The following CMIP variants were observed in gnomAD, a reference collection of about 807,000 sequenced individuals.
CMIP encodes c-Maf inducing protein, also known as C-Maf-inducing protein.
Under a neutral mutation model 97.3 loss-of-function variants are expected in CMIP, and 13 were observed. The observed-to-expected ratio is 0.13, with a 90% confidence interval of 0.09 to 0.21. The LOEUF (loss-of-function observed/expected upper bound fraction) is 0.21, where lower values mean the gene tolerates loss of function less well. Among genes scored for constraint, CMIP ranks in the 10% least tolerant of loss-of-function variants. CMIP has a pLI of 1.00. For synonymous variants in CMIP, 538 were observed against 436.3 expected (o/e 1.23, Z -2.91); for missense variants, 847 against 1,024.9 (o/e 0.83, Z 2.37).
intron 3 of CMIP, among the ~76,000 whole-genome samples, chr16:81,643,451 GT>G (rs2092329448): frequency 6.6e-6 from 1 of 152,208 alleles, no homozygotes; most frequent in Non-Finnish European, 1.5e-5. Flanking sequence ...AGTGGTGGTG[GT>G]TACACAACAC....
chr16:81,522,567 C>A (rs1054142243), intron 1 of CMIP, among the ~76,000 whole-genome samples: 1 of 152,212 alleles, frequency 6.6e-6, no homozygotes, highest in African/African-American at 2.4e-5. Context: ...ATTTAGCATA[C>A]CCAATCAGTA....
intron 1 of CMIP, 142 bp from the exon 2 acceptor site, chr16:81,607,425 G>C (rs2091762126): frequency 9.5e-7 from 1 of 1,055,396 alleles, no homozygotes. Context: ...GCTTGCTTTG[G>C]TCACCAGAGG....
intron 1 of CMIP, among the ~76,000 whole-genome samples, chr16:81,507,137 T>A (rs190583988): frequency 0.022 from 3,283 of 148,526 alleles, 46 homozygotes; most frequent in Non-Finnish European, 0.035. Flanking sequence ...GCGCCTGTAG[T>A]CCCAGCTACT....
At chr16:81,663,372 G>A (rs1027809786) in intron 6 of CMIP, among the ~76,000 whole-genome samples, 1 of 152,034 alleles carries the variant, frequency 6.6e-6, no homozygotes, top group African/African-American at 2.4e-5. Context: ...AGTGAGAGGA[G>A]CCCATCTGAA....
In CMIP at chr16:81,444,929, GGCCCCGGCCC is replaced by G. The variant is rs1454103855; in HGVS notation, c.-308_-299del. On this transcript the variant is annotated 5_prime_UTR_variant, in exon 1 of 21. Transcript: ENST00000537098. ...ACCCCGGCGCCCGCCCTCCGCGCCT[GGCCCCGGCCC>G]GCCCTCGGCCTCCCCCGCCCCTCCC... is the stretch of plus-strand genomic sequence containing the variant. Among the ~76,000 whole-genome samples, 2 of 84,310 alleles carry G rather than the reference GGCCCCGGCCC, an allele frequency of 2.4e-5. No individual in the cohort carries two copies. The highest frequency in any genetic ancestry group is 4.6e-5 in the Non-Finnish European group (2 of 43,616). 55.3% of individuals were successfully genotyped at this position (84,310 alleles called of 152,430 possible). A position where few individuals can be genotyped will look rare whatever the true frequency, so the allele number is the denominator to read the frequency against.
intron 3 of CMIP, among the ~76,000 whole-genome samples, chr16:81,636,185 A>G (rs372490767): frequency 9.1e-6 from 1 of 110,332 alleles, no homozygotes; most frequent in Non-Finnish European, 2.0e-5. Context: ...CTCTGTATGA[A>G]TTTTTCAAAG....
At chr16:81,598,132 G>A (rs1343732655) in intron 1 of CMIP, among the ~76,000 whole-genome samples, 1 of 152,090 alleles carries the variant, frequency 6.6e-6, no homozygotes, top group Non-Finnish European at 1.5e-5. Context: ...GAATGTGCTC[G>A]GGAAGAAGGT....
chr16:81,580,771 T>C (rs1567591992), intron 1 of CMIP, among the ~76,000 whole-genome samples: 1 of 152,052 alleles, frequency 6.6e-6, no homozygotes, highest in Non-Finnish European at 1.5e-5. Context: ...CACTCCAGCC[T>C]GGGCAACAGA....
intron 1 of CMIP, among the ~76,000 whole-genome samples, chr16:81,482,562 C>G (rs1253244794): frequency 6.6e-6 from 1 of 152,168 alleles, no homozygotes; most frequent in African/African-American, 2.4e-5. Context: ...TCTGTTCCCA[C>G]TTGAGCCTGG....
At chr16:81,683,278 C>G (rs1052164798) in intron 10 of CMIP, among the ~76,000 whole-genome samples, 1 of 152,214 alleles carries the variant, frequency 6.6e-6, no homozygotes, top group Non-Finnish European at 1.5e-5. Context: ...TTCTGATTGG[C>G]TCCCGTCGAC....
chr16:81,668,684 C>T (rs144149242), intron 7 of CMIP, among the ~76,000 whole-genome samples: 1 of 152,200 alleles, frequency 6.6e-6, no homozygotes, highest in East Asian at 1.9e-4. Context: ...AGGGTGGTGT[C>T]CCTGTCCCCT....
intron 7 of CMIP, among the ~76,000 whole-genome samples, chr16:81,667,840 G>GTA (rs2092626245): frequency 6.9e-6 from 1 of 145,108 alleles, no homozygotes; most frequent in East Asian, 2.0e-4. Context: ...GTGTGTGTGT[G>GTA]TTTGTGCTCA....
At chr16:81,549,300 A>G (rs1239219806) in intron 1 of CMIP, among the ~76,000 whole-genome samples, 1 of 152,226 alleles carries the variant, frequency 6.6e-6, no homozygotes, top group Non-Finnish European at 1.5e-5. Flanking sequence ...CTGGTAAATC[A>G]TTCGATAGAA....
chr16:81,564,462 T>C (rs1358127216), intron 1 of CMIP, among the ~76,000 whole-genome samples: 2 of 152,202 alleles, frequency 1.3e-5, no homozygotes, highest in African/African-American at 4.8e-5. Context: ...TAGTCTTCCA[T>C]GTAATGTGGC....
At chr16:81,678,014 C>T (rs889219813) in intron 9 of CMIP, among the ~76,000 whole-genome samples, 1 of 152,188 alleles carries the variant, frequency 6.6e-6, no homozygotes, top group Non-Finnish European at 1.5e-5. Flanking sequence ...TTTTGAGCAC[C>T]TGTTATGTGC....
At chr16:81,685,766 G>A (rs948117659) in intron 10 of CMIP, among the ~76,000 whole-genome samples, 2 of 135,558 alleles carry the variant, frequency 1.5e-5, no homozygotes, top group South Asian at 2.3e-4. Context: ...ATCTCTTTAT[G>A]TTGCCCAAGC....
At chr16:81,474,642 G>T (rs1477823868) in intron 1 of CMIP, among the ~76,000 whole-genome samples, 2 of 152,210 alleles carry the variant, frequency 1.3e-5, no homozygotes, top group African/African-American at 4.8e-5. Context: ...GCACTTCTGT[G>T]GAAGGGGAAT....
chr16:81,511,023 CTT>C (rs2089800593), intron 1 of CMIP, among the ~76,000 whole-genome samples: 1 of 152,114 alleles, frequency 6.6e-6, no homozygotes, highest in Non-Finnish European at 1.5e-5. Context: ...GCCAGCCTAA[CTT>C]TGGGAAATTT....
At chr16:81,451,312 C>G (rs1168165495) in intron 1 of CMIP, among the ~76,000 whole-genome samples, 2 of 152,164 alleles carry the variant, frequency 1.3e-5, no homozygotes, top group Non-Finnish European at 2.9e-5. Context: ...TCATTCTCCT[C>G]TTGTCTGCCA....
Sources: allele counts gnomAD v4.1 joint callset (sites outside exome capture counted in the v4.1 genomes callset), GRCh38; gene constraint gnomAD v4.1.1; transcripts MANE v1.5; gene names NCBI Gene and HGNC (gene_info 2026-07-23, HGNC 2026-07-21).